Variants in NCKAP5 observed in about 807,000 individuals in gnomAD.
NCKAP5 encodes NCK associated protein 5.
NCKAP5 carries 92 observed loss-of-function variants against 167.0 expected under a neutral mutation model. The observed-to-expected ratio is 0.55, with a 90% CI of 0.47 to 0.66. The LOEUF is 0.66. NCKAP5 is among the 30% of genes least tolerant of loss of function. NCKAP5 has a pLI of 0.00. For synonymous variants in NCKAP5, 891 were observed against 877.4 expected, an observed-to-expected ratio of 1.02 and a Z score of -0.27; for missense variants, 2,378 against 2,315.0, an observed-to-expected ratio of 1.03 and a Z score of -0.56.
intron 13 of NCKAP5, among the ~76,000 whole-genome samples, chr2:132,788,775 G>T (rs1683806263): frequency 6.6e-6 from 1 of 152,118 alleles, no homozygotes; most frequent in Non-Finnish European, 1.5e-5. Flanking sequence ...TATATTAATT[G>T]TTATATAATT....
intron 4 of NCKAP5, among the ~76,000 whole-genome samples, chr2:133,237,194 C>A (rs2087463186): frequency 1.3e-5 from 2 of 151,848 alleles, no homozygotes; most frequent in Non-Finnish European, 2.9e-5. Flanking sequence ...TACTTTGATA[C>A]CTTGATTAAT....
At chr2:133,553,480 T>G (rs55635347) in intron 2 of NCKAP5, among the ~76,000 whole-genome samples, 42,809 of 151,900 alleles carry the variant, frequency 0.28, 6,441 homozygotes, top group East Asian at 0.37. Context: ...AAATAGGGGT[T>G]GAAAAAGAAC....
At chr2:132,876,793 G>T (rs1346657113) in intron 9 of NCKAP5, among the ~76,000 whole-genome samples, 1 of 152,216 alleles carries the variant, frequency 6.6e-6, no homozygotes, top group East Asian at 1.9e-4. Context: ...AACTTTATAT[G>T]AAATGATTTT....
chr2:132,850,679 C>G (rs1689008233), intron 11 of NCKAP5, among the ~76,000 whole-genome samples: 1 of 151,962 alleles, frequency 6.6e-6, no homozygotes, highest in Admixed American at 6.6e-5. Flanking sequence ...ACTTTGCTAC[C>G]TTAGTACAGC....
At chr2:133,496,480 C>A (rs571085964) in intron 3 of NCKAP5, among the ~76,000 whole-genome samples, 3 of 152,126 alleles carry the variant, frequency 2.0e-5, no homozygotes, top group Non-Finnish European at 4.4e-5. Flanking sequence ...ACAGAAAATG[C>A]ATCTCATAAA....
intron 19 of NCKAP5, among the ~76,000 whole-genome samples, chr2:132,721,194 G>A (rs1689887335): frequency 6.6e-6 from 1 of 152,020 alleles, no homozygotes; most frequent in Non-Finnish European, 1.5e-5. Flanking sequence ...TGTAATCCCA[G>A]CTACTCGGGA....
chr2:132,990,150 G>A (rs1184761981), intron 7 of NCKAP5, among the ~76,000 whole-genome samples: 1 of 152,152 alleles, frequency 6.6e-6, no homozygotes, highest in Non-Finnish European at 1.5e-5. Context: ...AGACAAAAGA[G>A]ACTAAAAGAG....
chr2:133,448,250 G>GAAA (rs58596848), intron 3 of NCKAP5, among the ~76,000 whole-genome samples: 34 of 140,988 alleles, frequency 2.4e-4, no homozygotes, highest in Middle Eastern at 3.6e-3. Context: ...ATTGTTCTGG[G>GAAA]AAAAAAAAAA....
chr2:133,381,722 C>CA (rs1686536421), intron 3 of NCKAP5, among the ~76,000 whole-genome samples: 1 of 152,192 alleles, frequency 6.6e-6, no homozygotes, highest in Non-Finnish European at 1.5e-5. Flanking sequence ...AGGATTTCTC[C>CA]CATTGCACCA....
chr2:133,510,180 T>C (rs1683363140), intron 3 of NCKAP5, among the ~76,000 whole-genome samples: 1 of 152,128 alleles, frequency 6.6e-6, no homozygotes. Context: ...GCAGAGGGAA[T>C]GTGCAGCCAT....
chr2:133,658,249 G>A, the NCKAP5 span, among the ~76,000 whole-genome samples: 1 of 152,112 alleles, frequency 6.6e-6, no homozygotes, highest in Non-Finnish European at 1.5e-5. Flanking sequence ...GGTTGATTGT[G>A]GTCTCTGAGG....
intron 13 of NCKAP5, among the ~76,000 whole-genome samples, chr2:132,788,143 C>G (rs898307167): frequency 6.6e-6 from 1 of 152,230 alleles, no homozygotes; most frequent in East Asian, 1.9e-4. Context: ...CACACGAATG[C>G]CCCGTGGGAG....
At chr2:133,414,961 A>T (rs1217664131) in intron 3 of NCKAP5, among the ~76,000 whole-genome samples, 1 of 152,202 alleles carries the variant, frequency 6.6e-6, no homozygotes, top group Admixed American at 6.5e-5. Flanking sequence ...GGATTCACTG[A>T]CAGGGTTCTC....
intron 3 of NCKAP5, among the ~76,000 whole-genome samples, chr2:133,472,092 C>T (rs1454646582): frequency 1.3e-5 from 2 of 152,054 alleles, no homozygotes; most frequent in Non-Finnish European, 2.9e-5. Context: ...ACTCTAATAC[C>T]TTTACCATTT....
intron 17 of NCKAP5, among the ~76,000 whole-genome samples, chr2:132,730,522 G>C (rs1212055843): frequency 1.3e-5 from 2 of 152,074 alleles, no homozygotes; most frequent in African/African-American, 4.8e-5. Context: ...AAAAAAGACA[G>C]AACCTTAGAT....
At chr2:132,787,691 C>T (rs1418037253) in intron 13 of NCKAP5, among the ~76,000 whole-genome samples, 2 of 152,118 alleles carry the variant, frequency 1.3e-5, no homozygotes, top group Non-Finnish European at 2.9e-5. Context: ...AGTGATGCTG[C>T]CCCACTTCCT....
At chr2:133,406,908 C>A (rs552015799) in intron 3 of NCKAP5, among the ~76,000 whole-genome samples, 16 of 152,260 alleles carry the variant, frequency 1.1e-4, no homozygotes, top group Admixed American at 9.8e-4. Flanking sequence ...CAAACCCAAA[C>A]TGTTCTCTCT....
chr2:133,213,899 C>T, intron 4 of NCKAP5, 120 bp from the exon 5 acceptor site: 1 of 840,136 alleles, frequency 1.2e-6, no homozygotes, highest in Non-Finnish European at 2.0e-6. Context: ...TAGCTCACTT[C>T]CTCCTCTATA....
chr2:132,817,629 C>G (rs1686379234), intron 11 of NCKAP5, among the ~76,000 whole-genome samples: 1 of 152,146 alleles, frequency 6.6e-6, no homozygotes, highest in African/African-American at 2.4e-5. Flanking sequence ...CCTTTCCTTT[C>G]AGAGAGCTTC....
Sources: gnomAD v4.1 joint callset for allele counts (sites outside exome capture counted in the v4.1 genomes callset) on GRCh38, gnomAD v4.1.1 for gene constraint, MANE v1.5 for transcripts, NCBI Gene and HGNC (gene_info 2026-07-23, HGNC 2026-07-21) for gene names.